The following CPNE4 variants were observed in gnomAD, a reference collection of about 807,000 sequenced individuals.
CPNE4 encodes the protein copine 4.
CPNE4 carries 25 observed loss-of-function variants against 67.9 expected under a neutral mutation model. The observed-to-expected ratio is 0.37, with a 90% CI of 0.27 to 0.51. CPNE4 has a LOEUF of 0.51. CPNE4 is among the 20% of genes least tolerant of loss of function. CPNE4 has a pLI of 0.93. For missense variants in CPNE4, 464 were observed against 690.8 expected (o/e 0.67, Z 3.68); for synonymous variants, 242 against 244.9 (o/e 0.99, Z 0.11).
intron 1 of CPNE4, among the ~76,000 whole-genome samples, chr3:131,906,532 T>C (rs112859723): frequency 0.19 from 28,549 of 151,308 alleles, 2,969 homozygotes; most frequent in East Asian, 0.35. Flanking sequence ...GATAGTTTAC[T>C]GAGAATGATG....
intron 2 of CPNE4, among the ~76,000 whole-genome samples, chr3:131,900,587 T>C (rs2088516881): frequency 6.6e-6 from 1 of 152,102 alleles, no homozygotes; most frequent in African/African-American, 2.4e-5. Flanking sequence ...TCTCTGTCTC[T>C]AAGATAGGGT....
intron 2 of CPNE4, among the ~76,000 whole-genome samples, chr3:131,846,351 A>G (rs974077142): frequency 6.6e-5 from 10 of 152,086 alleles, no homozygotes; most frequent in Non-Finnish European, 1.5e-5. Context: ...ATATATTTCC[A>G]ACACTCTTGA....
At chr3:131,868,534 T>A (rs1271276322) in intron 2 of CPNE4, among the ~76,000 whole-genome samples, 1 of 152,192 alleles carries the variant, frequency 6.6e-6, no homozygotes, top group Admixed American at 6.5e-5. Flanking sequence ...AAAAATAAAT[T>A]TATGTTTGGT....
chr3:131,854,635 T>C (rs914837586), intron 2 of CPNE4, among the ~76,000 whole-genome samples: 1 of 151,916 alleles, frequency 6.6e-6, no homozygotes, highest in Non-Finnish European at 1.5e-5. Context: ...CTGTCATCCA[T>C]GTAAGGCATC....
chr3:131,554,273 C>T (rs761991991), intron 12 of CPNE4, among the ~76,000 whole-genome samples: 15 of 152,022 alleles, frequency 9.9e-5, no homozygotes, highest in Non-Finnish European at 2.1e-4. Flanking sequence ...ATTCTTGTAT[C>T]GGTCATCTTT....
rs9813772 is a variant in CPNE4, at chr3:131,847,941, C to T, written c.180+57323G>A. On this transcript the variant is annotated intron_variant, in intron 2 of 15. Coordinates refer to ENST00000429747, the MANE Select transcript of CPNE4 (RefSeq NM_130808.3). ...ACCTCAGTGCAACTGTGGCTCTGCACAGCTGGGGTCCCCTGTGGCACCATA... is the reference window on the plus strand; with the variant it reads ...ACCTCAGTGCAACTGTGGCTCTGCATAGCTGGGGTCCCCTGTGGCACCATA... Among the ~76,000 whole-genome samples, 224 of 152,268 alleles carry T rather than the reference C, an allele frequency of 1.5e-3. 1 individual carries two copies. The highest frequency in any genetic ancestry group is 2.7e-3 in the Non-Finnish European group (182 of 68,028).
intron 2 of CPNE4, among the ~76,000 whole-genome samples, chr3:131,880,989 A>G (rs568469411): frequency 1.3e-5 from 2 of 152,316 alleles, no homozygotes; most frequent in Admixed American, 6.5e-5. Context: ...ACTTAGTGCT[A>G]TCAGCCTGGC....
chr3:131,739,684 T>C (rs1047446766), intron 2 of CPNE4, among the ~76,000 whole-genome samples: 1 of 152,262 alleles, frequency 6.6e-6, no homozygotes. Flanking sequence ...GGAAAGAAGA[T>C]GACATTTCTT....
intron 2 of CPNE4, among the ~76,000 whole-genome samples, chr3:131,865,327 A>G (rs2086892660): frequency 6.6e-6 from 1 of 152,154 alleles, no homozygotes; most frequent in African/African-American, 2.4e-5. Context: ...CTGTGAATCC[A>G]TCTGGTCCTA....
intron 1 of CPNE4, among the ~76,000 whole-genome samples, chr3:132,016,889 G>A (rs1192255670): frequency 6.6e-6 from 1 of 152,130 alleles, no homozygotes; most frequent in African/African-American, 2.4e-5. Context: ...CTTTTCACAT[G>A]TGTGTACCTC....
intron 1 of CPNE4, among the ~76,000 whole-genome samples, chr3:131,913,347 T>G (rs1396878083): frequency 6.6e-6 from 1 of 152,164 alleles, no homozygotes; most frequent in Non-Finnish European, 1.5e-5. Context: ...ATGGTACCAT[T>G]TAACTGGTAT....
chr3:131,723,875 A>T (rs548538825), intron 2 of CPNE4, among the ~76,000 whole-genome samples: 1 of 152,344 alleles, frequency 6.6e-6, no homozygotes, highest in South Asian at 2.1e-4. Flanking sequence ...AGTTTGCATT[A>T]TACAAAATTG....
At chr3:131,643,542 T>A (rs1192510375) in intron 7 of CPNE4, among the ~76,000 whole-genome samples, 1 of 152,124 alleles carries the variant, frequency 6.6e-6, no homozygotes, top group Non-Finnish European at 1.5e-5. Flanking sequence ...GATGCTGCAA[T>A]GAGCTAAGAT....
chr3:131,840,620 C>G (rs1022989708), intron 2 of CPNE4, among the ~76,000 whole-genome samples: 1 of 152,160 alleles, frequency 6.6e-6, no homozygotes, highest in Non-Finnish European at 1.5e-5. Flanking sequence ...CTTGGCAGCC[C>G]TTTGAGGAGT....
At chr3:131,934,800 A>G (rs1056517420) in intron 1 of CPNE4, among the ~76,000 whole-genome samples, 1 of 152,184 alleles carries the variant, frequency 6.6e-6, no homozygotes, top group East Asian at 1.9e-4. Context: ...AGCAGGGGGA[A>G]TGGGTGAAGT....
At chr3:131,854,782 T>G (rs68150088) in intron 2 of CPNE4, among the ~76,000 whole-genome samples, 11,245 of 151,580 alleles carry the variant, frequency 0.074, 439 homozygotes, top group East Asian at 0.11. Context: ...CCTCTCCTCT[T>G]TCATTACTCC....
At chr3:131,862,497 T>C (rs1395764409) in intron 2 of CPNE4, among the ~76,000 whole-genome samples, 1 of 152,092 alleles carries the variant, frequency 6.6e-6, no homozygotes. Flanking sequence ...CTAATCTACC[T>C]CTTACATGGC....
At chr3:131,760,137 C>T (rs2082852111) in intron 2 of CPNE4, among the ~76,000 whole-genome samples, 1 of 152,154 alleles carries the variant, frequency 6.6e-6, no homozygotes, top group Non-Finnish European at 1.5e-5. Context: ...TCCATCATTA[C>T]TGGAATGCCA....
At chr3:131,555,006 A>T (rs1176371979) in intron 12 of CPNE4, among the ~76,000 whole-genome samples, 1 of 152,078 alleles carries the variant, frequency 6.6e-6, no homozygotes, top group Non-Finnish European at 1.5e-5. Context: ...TCAGAAGAAC[A>T]TTTCAGCTTC....
Sources: gnomAD v4.1 joint callset for allele counts (sites outside exome capture counted in the v4.1 genomes callset) on GRCh38, gnomAD v4.1.1 for gene constraint, MANE v1.5 for transcripts, NCBI Gene and HGNC (gene_info 2026-07-23, HGNC 2026-07-21) for gene names.